The following MAST3 variants were observed in gnomAD, a reference collection of about 807,000 sequenced individuals.
MAST3 encodes microtubule associated serine/threonine kinase 3, also known as microtubule-associated serine/threonine-protein kinase 3.
A neutral mutation model predicts 127.0 loss-of-function variants in MAST3; 43 were observed. That is an observed-to-expected ratio of 0.34 (90% CI 0.27 to 0.44). The LOEUF is 0.44. Ranked by LOEUF, MAST3 falls within the 20% of genes least tolerant of loss-of-function variation. MAST3 has a pLI of 1.00. For missense variants in MAST3, 1,390 were observed against 1,919.1 expected (o/e 0.72, Z 5.15); for synonymous variants, 785 against 809.2 (o/e 0.97, Z 0.51).
intron 13 of MAST3, 66 bp downstream of exon 13, chr19:18,129,017 A>G: frequency 7.2e-7 from 1 of 1,393,928 alleles, no homozygotes; most frequent in Non-Finnish European, 1.0e-6. Flanking sequence ...AGGCCCAGGC[A>G]GCTCCTGCAT....
Position 18,112,541 on chromosome 19 carries a change from G to A in MAST3, c.161+1800G>A, listed in dbSNP as rs761229530. ...GTAAAGATGGGGTTTCACCATGTTA[G>A]CTAGGCTGGTCTCGAGCTCCCGACC... On this transcript the variant is annotated intron_variant, in intron 3 of 27. Coordinates refer to ENST00000687212, the MANE Select transcript of MAST3 (RefSeq NM_001393504.1). The surrounding 1 kb of genome is among the most constrained non-coding windows in gnomAD (Gnocchi z 4.1). Among the ~76,000 whole-genome samples, 2 of 152,164 alleles carry A rather than the reference G, an allele frequency of 1.3e-5. No homozygotes were observed. Among genetic ancestry groups the A allele is most frequent in the African/African-American group, 2.4e-5 (1 of 41,434 alleles).
chr19:18,109,836 G>A (rs1444080194), intron 2 of MAST3: 4 of 629,338 alleles, frequency 6.4e-6, no homozygotes, highest in Middle Eastern at 7.8e-4. Context: ...GCCGGGATGC[G>A]GGGTTGGGGA....
intron 13 of MAST3, 69 bp from the exon 14 acceptor site, chr19:18,130,425 C>A: frequency 7.1e-7 from 1 of 1,412,964 alleles, no homozygotes; most frequent in Non-Finnish European, 9.7e-7. Context: ...GATCTGGGCT[C>A]AAGTTGAGCT....
chr19:18,149,514 C>T lies in MAST3; in HGVS notation c.3832C>T (p.Arg1278Cys), dbSNP rs959419364. The change falls in exon 28 of 28, where the codon CGC becomes TGC. Residue 1278 changes from arginine (R) to cysteine (C), a missense_variant. Around this residue, in one of 5 missense-constraint regions of MAST3, gnomAD observed 816 missense variants for 934.1 expected, o/e 0.87. Coordinates refer to ENST00000687212, the MANE Select transcript of MAST3 (RefSeq NM_001393504.1). The surrounding 1 kb of genome is among the most constrained non-coding windows in gnomAD (Gnocchi z 5.9). ...GERLDGEAGR[R>C]TRGPEAELVV... The stretch of plus-strand genomic sequence containing the variant: ...GCGGCTGGATGGGGAGGCGGGGCGG[C>T]GCACTCGTGGGCCAGAGGCCGAGCT... 4.5e-6 allele frequency: 7 copies of T among 1,549,222 alleles called. No homozygotes were observed. The highest frequency in any genetic ancestry group is 4.1e-5 in the African/African-American group (3 of 73,042).
At chr19:18,134,477 G>T in intron 15 of MAST3, 102 bp from the exon 16 acceptor site, 1 of 1,439,214 alleles carries the variant, frequency 6.9e-7, no homozygotes, top group East Asian at 2.5e-5. Context: ...GGAGTTGGAG[G>T]CAGAGCTCTG....
chr19:18,129,935 A>AC (rs1555800727), intron 13 of MAST3, among the ~76,000 whole-genome samples: 1 of 148,796 alleles, frequency 6.7e-6, no homozygotes, highest in African/African-American at 2.5e-5. Context: ...AAAAAAAAAA[A>AC]AAGGAAAGAA....
At chr19:18,136,133 T>C (rs1019040387) in intron 18 of MAST3, among the ~76,000 whole-genome samples, 5 of 152,188 alleles carry the variant, frequency 3.3e-5, no homozygotes, top group African/African-American at 1.2e-4. Context: ...GCCCAGAAGA[T>C]CCCACTGTCC....
In MAST3 at chr19:18,145,203, G is replaced by A. The variant is rs755807326; in HGVS notation, c.3013G>A (p.Val1005Ile). 20 of 1,613,896 alleles carry A rather than the reference G, an allele frequency of 1.2e-5. No individual in the cohort carries two copies. The highest frequency in any genetic ancestry group is 4.4e-5 in the South Asian group (4 of 91,076). ...AIRVYMGDSD[V>I]YTVHHVVWSV... ...CCGCGTCTACATGGGTGATAGCGAC[G>A]TCTACACTGTGCACCACGTCGTCTG... Residue 1005 changes from valine (V) to isoleucine (I), a missense_variant, in exon 24 of 28, where the codon GTC (valine) becomes ATC (isoleucine). Coordinates refer to ENST00000687212, the MANE Select transcript of MAST3 (RefSeq NM_001393504.1). The surrounding 1 kb of genome is among the most constrained non-coding windows in gnomAD (Gnocchi z 5.9).
chr19:18,109,855 G>C, intron 2 of MAST3: 1 of 810,050 alleles, frequency 1.2e-6, no homozygotes, highest in Non-Finnish European at 1.5e-6. Context: ...GAGTTGGGGC[G>C]GACTGCGCTC....
rs1268078701 is a variant in MAST3 at position 18,144,701 on chromosome 19, C to T, written c.2812+8C>T. 1.9e-6 allele frequency: 3 copies of T among 1,604,866 alleles called. No individual in the cohort carries two copies. The African/African-American group carries it at 4.0e-5, about 21-fold the overall frequency. The stretch of plus-strand genomic sequence containing the variant: ...CCCTCATCATCACGGCAGGTAATGC[C>T]CAAGGCCCCTCTCACCTTTGTCTGT... On this transcript the variant is annotated splice_region_variant and intron_variant, in intron 23 of 27. Coordinates refer to ENST00000687212, the MANE Select transcript of MAST3 (RefSeq NM_001393504.1). This position sits in a 1 kb window ranked among gnomAD's most constrained non-coding sequence, Gnocchi z 4.0.
intron 20 of MAST3, 129 bp from the exon 21 acceptor site, chr19:18,141,753 G>A: frequency 1.6e-6 from 1 of 610,202 alleles, no homozygotes; most frequent in Non-Finnish European, 2.4e-6. Context: ...ACAGGGTTTT[G>A]CTATGTTGCC....
intron 15 of MAST3, among the ~76,000 whole-genome samples, chr19:18,132,934 C>T (rs1444983432): frequency 1.3e-5 from 2 of 152,164 alleles, no homozygotes; most frequent in South Asian, 2.1e-4. Context: ...GAAACCTTGT[C>T]TCTACTAAAA....
chr19:18,144,692 A>C lies in MAST3; in HGVS notation c.2811A>C (p.Ala937=). The change falls in exon 23 of 28, where the codon GCA becomes GCC. Residue 937 remains alanine, a splice_region_variant and synonymous_variant. Coordinates refer to ENST00000687212, the MANE Select transcript of MAST3 (RefSeq NM_001393504.1). This position sits in a 1 kb window ranked among gnomAD's most constrained non-coding sequence, Gnocchi z 4.0. The part of the protein sequence containing the change: ...SVSALSLIIT[A]DDGSGGPLMS... ...CTGCCCTGTCCCTCATCATCACGGC[A>C]GGTAATGCCCAAGGCCCCTCTCACC... is the stretch of plus-strand genomic sequence containing the variant. The C allele has an allele frequency of 6.2e-7, 1 of 1,606,736 alleles. No homozygotes were observed. The highest frequency in any genetic ancestry group is 8.5e-7 in the Non-Finnish European group (1 of 1,179,820).
At chr19:18,147,370 T>C in intron 26 of MAST3, 73 bp from the exon 27 acceptor site, 3 of 1,391,188 alleles carry the variant, frequency 2.2e-6, no homozygotes, top group Non-Finnish European at 3.0e-6. Context: ...CTGAAAGTGC[T>C]GGGATTACAG....
chr19:18,137,312 C>A lies in MAST3; in HGVS notation c.2046C>A (p.Ala682=). 1 of 1,613,872 alleles carries A rather than the reference C, an allele frequency of 6.2e-7. No homozygotes were observed. Among genetic ancestry groups the A allele is most frequent in the Non-Finnish European group, 8.5e-7 (1 of 1,179,814 alleles). The part of the protein sequence containing the change: ...LDWAGLLRHK[A]EFVPQLEAED... ...GGGCAGGGCTTCTCCGACACAAAGC[C>A]GAGTTCGTGCCCCAGCTCGAAGCTG... The change falls in exon 19 of 28, where the codon GCC becomes GCA. Residue 682 remains alanine (A), a synonymous_variant. Transcript: ENST00000687212.
rs2042945256 is a variant in MAST3, at chr19:18,145,653, T to C, written c.3040-90T>C. ...TGAGACAGCACAAGAGGCAGCAGCT[T>C]GCTGGGGTCCCACAGCAGACCCAGC... On this transcript the variant is annotated intron_variant, in intron 24 of 27. Transcript: ENST00000687212. This position sits in a 1 kb window ranked among gnomAD's most constrained non-coding sequence, Gnocchi z 5.9. 6 of 1,411,966 alleles carry C rather than the reference T, an allele frequency of 4.2e-6. No homozygotes were observed. The highest frequency in any genetic ancestry group is 5.6e-6 in the Non-Finnish European group (6 of 1,067,846). 87.5% of individuals were successfully genotyped at this position (1,411,966 alleles called of 1,614,324 possible).
chr19:18,133,822 G>A (rs1312474513), intron 15 of MAST3, among the ~76,000 whole-genome samples: 1 of 152,042 alleles, frequency 6.6e-6, no homozygotes, highest in Non-Finnish European at 1.5e-5. Flanking sequence ...CCAAAGTGCT[G>A]GGATTACAGT....
At chr19:18,104,179 CAAAAAAAAAAAAAAAAAAAAAAAAAAAAA>C (rs56347763) in intron 1 of MAST3, among the ~76,000 whole-genome samples, 1 of 43,450 alleles carries the variant, frequency 2.3e-5, no homozygotes, top group Non-Finnish European at 3.9e-5. Flanking sequence ...GACGCTGTCT[CAAAAAAAAAAAAAAAAAAAAAAAAAAAAA>C]AAAAAAAAAA....
chr19:18,121,757 A>G lies in MAST3; in HGVS notation c.234A>G (p.Pro78=), dbSNP rs752367889. The G allele has an allele frequency of 1.9e-6, 3 of 1,613,908 alleles. No homozygotes were observed. The highest frequency in any genetic ancestry group is 1.7e-5 in the Admixed American group (1 of 60,026). ...CGACCCTCTCCCGGCCCCTGTCGCC[A>G]TTGTCGGTCCCAACGGGTGAGTGTG... ...PSPTLSRPLS[P]LSVPTGSSPL... is the part of the protein sequence containing the mutation. Residue 78 remains proline, a synonymous_variant, in exon 4 of 28, where the codon CCA becomes CCG. Coordinates refer to ENST00000687212, the MANE Select transcript of MAST3 (RefSeq NM_001393504.1).
Sources: gnomAD v4.1 joint callset for allele counts (sites outside exome capture counted in the v4.1 genomes callset) on GRCh38, gnomAD v4.1.1 for gene constraint, gnomAD v4.1.1 regional missense constraint, Gnocchi (gnomAD v3.1) non-coding constraint, MANE v1.5 for transcripts, NCBI Gene and HGNC (gene_info 2026-07-23, HGNC 2026-07-21) for gene names.